KIAA1671: variants seen among roughly 807,000 people sequenced by gnomAD.
KIAA1671 encodes uncharacterized protein KIAA1671.
A neutral mutation model predicts 131.2 loss-of-function variants in KIAA1671; 52 were observed. The ratio of observed to expected loss-of-function variants is 0.40; its 90% CI spans 0.32 to 0.50. The LOEUF (loss-of-function observed/expected upper bound fraction) is 0.50, where lower values mean the gene tolerates loss of function less well. Among genes scored for constraint, KIAA1671 ranks in the 20% least tolerant of loss-of-function variants. The pLI is 0.73. For missense variants in KIAA1671, 2,360 were observed against 2,364.2 expected (o/e 1.00, Z 0.04); for synonymous variants, 1,003 against 961.6 (o/e 1.04, Z -0.80).
At chr22:24,998,940 T>G (rs1420076992) in intron 1 of KIAA1671, among the ~76,000 whole-genome samples, 3 of 151,958 alleles carry the variant, frequency 2.0e-5, no homozygotes, top group Non-Finnish European at 4.4e-5. Flanking sequence ...GGTTTCCAGG[T>G]TTTGACTATT....
chr22:24,974,130 G>T (rs1425810084), intron 1 of KIAA1671, among the ~76,000 whole-genome samples: 7 of 152,130 alleles, frequency 4.6e-5, no homozygotes, highest in Non-Finnish European at 1.5e-5. Flanking sequence ...GGATTTATCA[G>T]CCGGACTTGG....
chr22:25,143,324 G>C (rs1030314084), intron 6 of KIAA1671, among the ~76,000 whole-genome samples: 3 of 152,218 alleles, frequency 2.0e-5, no homozygotes, highest in African/African-American at 7.2e-5. Flanking sequence ...AGGAGTCTAC[G>C]CCAGCACAGG....
intron 6 of KIAA1671, among the ~76,000 whole-genome samples, chr22:25,115,463 T>C (rs982999346): frequency 8.5e-5 from 13 of 152,214 alleles, no homozygotes; most frequent in African/African-American, 3.1e-4. Context: ...TGCCCTCATC[T>C]GAAACATGGA....
chr22:25,085,775 AAGGGAGGAAGGGAGGGAGGG>A (rs1402339615), intron 6 of KIAA1671, among the ~76,000 whole-genome samples: 5 of 86,716 alleles, frequency 5.8e-5, no homozygotes, highest in African/African-American at 4.1e-4. Context: ...TGAAGGAAGG[AAGGGAGGAAGGGAGGGAGGG>A]AGGGAGGGAG....
rs1250598128 is a variant in KIAA1671, at chr22:25,028,385, C to G, written c.386C>G (p.Pro129Arg). 3.2e-5 allele frequency: 49 copies of G among 1,550,968 alleles called. No homozygotes were observed. In the African/African-American group the frequency reaches 6.1e-4, roughly 19 times the overall value. Residue 129 changes from proline to arginine, a missense_variant, in exon 3 of 13, where the codon CCC (proline) becomes CGC (arginine). Pro to Arg is a moderately radical substitution (Grantham distance 103, BLOSUM62 -2). This residue lies in a region of KIAA1671 where 1,185 missense variants were observed against 1,126.2 expected (regional missense o/e 1.05). Transcript: ENST00000358431. ...GGGGAGGGCCCGAGGACGAGCTCGC[C>G]CCTCTTCAACAAGGCTGTGTTCCTG... ...GSGEGPRTSS[P>R]LFNKAVFLRP... is the part of the protein sequence containing the mutation.
chr22:24,990,343 G>A (rs887634364), intron 1 of KIAA1671, among the ~76,000 whole-genome samples: 7 of 152,034 alleles, frequency 4.6e-5, no homozygotes, highest in African/African-American at 1.2e-4. Flanking sequence ...CGCCTGCCTC[G>A]GCCTCCAGAA....
At chr22:25,079,433 A>C (rs571794969) in intron 6 of KIAA1671, among the ~76,000 whole-genome samples, 1 of 152,268 alleles carries the variant, frequency 6.6e-6, no homozygotes, top group East Asian at 1.9e-4. Flanking sequence ...GGGTATGTGT[A>C]AGAACGTTGT....
intron 1 of KIAA1671, among the ~76,000 whole-genome samples, chr22:24,971,478 T>C (rs1922612257): frequency 6.6e-6 from 1 of 152,206 alleles, no homozygotes; most frequent in African/African-American, 2.4e-5. Context: ...GCTCCTTGTT[T>C]TTCTTGTTCA....
chr22:25,153,604 G>A (rs773284265), intron 6 of KIAA1671, among the ~76,000 whole-genome samples: 5 of 152,222 alleles, frequency 3.3e-5, no homozygotes, highest in East Asian at 1.9e-4. Context: ...AGTAGAACCC[G>A]CCTCACGGTG....
intron 4 of KIAA1671, among the ~76,000 whole-genome samples, chr22:25,038,190 C>G (rs950575337): frequency 6.6e-6 from 1 of 151,908 alleles, no homozygotes; most frequent in Non-Finnish European, 1.5e-5. Context: ...TTGGTGTAGA[C>G]AAGGTCTCAC....
chr22:25,088,899 C>A (rs185930290), intron 6 of KIAA1671, among the ~76,000 whole-genome samples: 1 of 152,142 alleles, frequency 6.6e-6, no homozygotes, highest in Non-Finnish European at 1.5e-5. Context: ...CACACGTGCA[C>A]GCACACATGC....
chr22:25,176,277 C>T (rs758173546), intron 8 of KIAA1671: 4 of 152,212 alleles, frequency 2.6e-5, no homozygotes, highest in Non-Finnish European at 5.9e-5. Flanking sequence ...TCCACCACCC[C>T]ATTGGGACTT....
chr22:24,994,746 A>T (rs921921152), intron 1 of KIAA1671, among the ~76,000 whole-genome samples: 3 of 152,112 alleles, frequency 2.0e-5, no homozygotes, highest in Non-Finnish European at 4.4e-5. Flanking sequence ...GCGACTCTTT[A>T]GGCATGTAAG....
intron 6 of KIAA1671, among the ~76,000 whole-genome samples, chr22:25,141,629 G>A (rs1932808802): frequency 6.6e-6 from 1 of 151,998 alleles, no homozygotes. Flanking sequence ...CTGTAATCAG[G>A]GGAAAAAACC....
At chr22:24,967,200 G>A (rs1057168527) in intron 1 of KIAA1671, among the ~76,000 whole-genome samples, 1 of 152,144 alleles carries the variant, frequency 6.6e-6, no homozygotes, top group African/African-American at 2.4e-5. Context: ...TTGCTGACAG[G>A]GCCTACTGTG....
intron 6 of KIAA1671, among the ~76,000 whole-genome samples, chr22:25,156,781 A>T (rs1452718491): frequency 6.6e-6 from 1 of 152,158 alleles, no homozygotes; most frequent in Non-Finnish European, 1.5e-5. Context: ...CCACTTTGTG[A>T]CATTGGAATG....
chr22:25,132,350 G>C (rs1026525178), intron 6 of KIAA1671, among the ~76,000 whole-genome samples: 43 of 152,178 alleles, frequency 2.8e-4, no homozygotes, highest in African/African-American at 9.2e-4. Context: ...AAGCTCCTAG[G>C]TGATTCTAAG....
intron 6 of KIAA1671, among the ~76,000 whole-genome samples, chr22:25,098,687 C>T (rs973800124): frequency 6.6e-6 from 1 of 152,014 alleles, no homozygotes; most frequent in Non-Finnish European, 1.5e-5. Context: ...GAGACTAAAT[C>T]TAGGCTAGCC....
Position 25,193,164 on chromosome 22 carries a change from G to T in KIAA1671, c.*763G>T, listed in dbSNP as rs978918900. 6.6e-6 allele frequency: 1 copy of T among 152,132 alleles called. No individual in the cohort carries two copies. The highest frequency in any genetic ancestry group is 2.4e-5 in the African/African-American group (1 of 41,438). 9.4% of individuals were successfully genotyped at this position (152,132 alleles called of 1,614,324 possible). A position where few individuals can be genotyped will look rare whatever the true frequency, so the allele number is the denominator to read the frequency against. On this transcript the variant is annotated 3_prime_UTR_variant, in exon 13 of 13. Coordinates refer to ENST00000358431, the MANE Select transcript of KIAA1671 (RefSeq NM_001145206.2). ...TTAAAGGACAGGAGGAAAGATGTGC[G>T]AATAATTTGTTCTGAAGTATCCAGT...
Sources: gnomAD v4.1 joint callset for allele counts (sites outside exome capture counted in the v4.1 genomes callset) on GRCh38, gnomAD v4.1.1 for gene constraint, gnomAD v4.1.1 regional missense constraint, MANE v1.5 for transcripts, NCBI Gene and HGNC (gene_info 2026-07-23, HGNC 2026-07-21) for gene names.